PM20D2: variants seen among roughly 807,000 people sequenced by gnomAD.
The protein encoded by PM20D2 is peptidase M20 domain containing 2, also known as xaa-Arg dipeptidase.
A neutral mutation model predicts 42.9 loss-of-function variants in PM20D2; 33 were observed. The ratio of observed to expected loss-of-function variants is 0.77; its 90% CI spans 0.58 to 1.03. PM20D2 has a LOEUF of 1.03. Among genes scored for constraint, PM20D2 ranks in the 50% least tolerant of loss-of-function variants. The pLI, the probability that PM20D2 is intolerant of heterozygous loss-of-function variation, is 0.00. For missense variants in PM20D2, 548 were observed against 557.0 expected (o/e 0.98, Z 0.16); for synonymous variants, 250 against 228.2 (o/e 1.10, Z -0.86).
At chr6:89,123,695 C>G in the PM20D2 span, among the ~76,000 whole-genome samples, 1 of 129,598 alleles carries the variant, frequency 7.7e-6, no homozygotes, top group Non-Finnish European at 1.6e-5. Flanking sequence ...GCACTCCAGC[C>G]TAGGCAACAG....
At chr6:89,137,599 A>G in the PM20D2 span, among the ~76,000 whole-genome samples, 3 of 152,186 alleles carry the variant, frequency 2.0e-5, no homozygotes, top group Non-Finnish European at 4.4e-5. Context: ...CCATTTATTT[A>G]TTTAGCTTAG....
the PM20D2 span, among the ~76,000 whole-genome samples, chr6:89,132,316 GC>G: frequency 6.9e-6 from 1 of 144,810 alleles, no homozygotes; most frequent in African/African-American, 2.9e-5. Flanking sequence ...TTCCTGTGCT[GC>G]CAAGCCACAT....
At chr6:89,118,309 C>T in the PM20D2 span, among the ~76,000 whole-genome samples, 3 of 152,086 alleles carry the variant, frequency 2.0e-5, no homozygotes, top group African/African-American at 7.2e-5. Context: ...GAGGTGGTGG[C>T]GGGGCTGCGG....
chr6:89,128,550 G>T, the PM20D2 span, among the ~76,000 whole-genome samples: 2 of 151,970 alleles, frequency 1.3e-5, no homozygotes, highest in East Asian at 3.9e-4. Context: ...TTCTGCTTTT[G>T]CCCTTTGTCC....
chr6:89,146,396 C>G lies in PM20D2; in HGVS notation c.252C>G (p.Pro84=). The G allele has an allele frequency of 6.5e-7, 1 of 1,529,766 alleles. No homozygotes were observed. Among genetic ancestry groups the G allele is most frequent in the Non-Finnish European group, 8.7e-7 (1 of 1,145,486 alleles). 94.8% of individuals were successfully genotyped at this position (1,529,766 alleles called of 1,614,324 possible). ...SWAVQPHYQL[P]TAFRAEWEPP... ...CAGTGCAGCCGCACTACCAGCTGCC[C>G]ACGGCCTTCCGCGCCGAGTGGGAGC... Residue 84 remains proline, a synonymous_variant, in exon 1 of 7, where the codon CCC becomes CCG. Coordinates refer to ENST00000275072, the MANE Select transcript of PM20D2 (RefSeq NM_001010853.3).
chr6:89,161,720 T>C, intron 5 of PM20D2, 63 bp from the exon 6 acceptor site: 1 of 1,299,890 alleles, frequency 7.7e-7, no homozygotes, highest in Non-Finnish European at 1.1e-6. Context: ...TGTGACTTCA[T>C]AACTCCAGAA....
the PM20D2 span, among the ~76,000 whole-genome samples, chr6:89,104,472 G>A: frequency 6.6e-6 from 1 of 151,888 alleles, no homozygotes; most frequent in Non-Finnish European, 1.5e-5. Flanking sequence ...TCCTGACCTC[G>A]AGATCTGCCC....
At chr6:89,133,390 GT>G in the PM20D2 span, among the ~76,000 whole-genome samples, 1 of 150,926 alleles carries the variant, frequency 6.6e-6, no homozygotes, top group Non-Finnish European at 1.5e-5. Context: ...ATTGTTTTAT[GT>G]AATTATATGT....
At chr6:89,103,706 C>T in the PM20D2 span, among the ~76,000 whole-genome samples, 8 of 152,064 alleles carry the variant, frequency 5.3e-5, no homozygotes, top group Admixed American at 2.0e-4. Flanking sequence ...GTAATCCACC[C>T]GCCTTGGCCT....
At chr6:89,094,757 G>A in the PM20D2 span, among the ~76,000 whole-genome samples, 1 of 150,416 alleles carries the variant, frequency 6.6e-6, no homozygotes, top group Non-Finnish European at 1.5e-5. Context: ...ATGCCTGTCA[G>A]GTACTCGGCA....
At chr6:89,100,536 A>C in the PM20D2 span, among the ~76,000 whole-genome samples, 3 of 148,584 alleles carry the variant, frequency 2.0e-5, no homozygotes, top group Non-Finnish European at 4.5e-5. Context: ...AAAAAAAAAA[A>C]CAGGCAAGAA....
At chr6:89,117,959 A>G in the PM20D2 span, 10 of 1,473,354 alleles carry the variant, frequency 6.8e-6, 1 homozygote, top group South Asian at 1.0e-4. Flanking sequence ...TACCGCTGCT[A>G]CCACCACAGG....
At chr6:89,119,803 C>G in the PM20D2 span, among the ~76,000 whole-genome samples, 1 of 152,336 alleles carries the variant, frequency 6.6e-6, no homozygotes, top group East Asian at 1.9e-4. Context: ...GTCTTTCTCT[C>G]TCTCTTTCTC....
intron 4 of PM20D2, among the ~76,000 whole-genome samples, chr6:89,157,403 A>G (rs535544772): frequency 4.0e-4 from 60 of 150,802 alleles, no homozygotes; most frequent in African/African-American, 1.3e-3. Context: ...AATATTGCCA[A>G]TTTTTATTTA....
the PM20D2 span, among the ~76,000 whole-genome samples, chr6:89,099,515 T>C: frequency 1.2e-4 from 16 of 133,148 alleles, no homozygotes; most frequent in Admixed American, 7.8e-4. Flanking sequence ...TATATATATA[T>C]ACACACACAC....
At chr6:89,100,255 T>C in the PM20D2 span, among the ~76,000 whole-genome samples, 1 of 152,100 alleles carries the variant, frequency 6.6e-6, no homozygotes. Context: ...AGACACACAG[T>C]GCTGAGAGAG....
chr6:89,094,537 T>C, the PM20D2 span, among the ~76,000 whole-genome samples: 1 of 152,152 alleles, frequency 6.6e-6, no homozygotes, highest in South Asian at 2.1e-4. Context: ...GATATTTTAA[T>C]TTGTAACCTA....
At chr6:89,103,494 A>G in the PM20D2 span, among the ~76,000 whole-genome samples, 1 of 151,562 alleles carries the variant, frequency 6.6e-6, no homozygotes, top group Non-Finnish European at 1.5e-5. Flanking sequence ...ACACCCACCT[A>G]ATTTTTGTAT....
the PM20D2 span, among the ~76,000 whole-genome samples, chr6:89,127,391 G>T: frequency 6.7e-6 from 1 of 150,030 alleles, no homozygotes; most frequent in Non-Finnish European, 1.5e-5. Flanking sequence ...GTGCAGTGGT[G>T]TGATTTTGGC....
Sources: allele counts gnomAD v4.1 joint callset (sites outside exome capture counted in the v4.1 genomes callset), GRCh38; gene constraint gnomAD v4.1.1; transcripts MANE v1.5; gene names NCBI Gene and HGNC (gene_info 2026-07-23, HGNC 2026-07-21).